The following BRINP3 variants were observed in gnomAD, a reference collection of about 807,000 sequenced individuals.
The protein encoded by BRINP3 is BMP/retinoic acid-inducible neural-specific protein 3.
Under a neutral mutation model 71.0 loss-of-function variants are expected in BRINP3, and 19 were observed. That is an observed-to-expected ratio of 0.27 (90% CI 0.19 to 0.39). The LOEUF is 0.39. Ranked by LOEUF, BRINP3 falls within the 10% of genes least tolerant of loss-of-function variation. The pLI is 1.00. For synonymous variants in BRINP3, 380 were observed against 337.7 expected (o/e 1.13, Z -1.37); for missense variants, 959 against 940.8 (o/e 1.02, Z -0.25).
At chr1:190,291,998 G>A (rs945952109) in intron 2 of BRINP3, among the ~76,000 whole-genome samples, 1 of 152,206 alleles carries the variant, frequency 6.6e-6, no homozygotes, top group South Asian at 2.1e-4. Flanking sequence ...TGGCAATATG[G>A]ATGAACCTGG....
At chr1:190,386,669 C>T (rs1005943958) in intron 2 of BRINP3, among the ~76,000 whole-genome samples, 2 of 151,908 alleles carry the variant, frequency 1.3e-5, no homozygotes, top group Non-Finnish European at 2.9e-5. Flanking sequence ...CCATCAACTT[C>T]ATCTTTTGAG....
intron 7 of BRINP3, among the ~76,000 whole-genome samples, chr1:190,109,815 A>G (rs1652513332): frequency 6.6e-6 from 1 of 152,222 alleles, no homozygotes; most frequent in African/African-American, 2.4e-5. Context: ...TTGCACCAGT[A>G]GTCCCTCAGG....
chr1:190,360,153 T>A (rs747662034), intron 2 of BRINP3, among the ~76,000 whole-genome samples: 1 of 152,154 alleles, frequency 6.6e-6, no homozygotes, highest in Non-Finnish European at 1.5e-5. Flanking sequence ...CCAGTAAACA[T>A]CTTCAACAGA....
chr1:190,268,606 C>T (rs1056882232), intron 3 of BRINP3, among the ~76,000 whole-genome samples: 3 of 152,078 alleles, frequency 2.0e-5, no homozygotes, highest in African/African-American at 7.2e-5. Flanking sequence ...AGAAAAAACA[C>T]TTAAACTATG....
chr1:190,454,926 G>T lies in BRINP3; in HGVS notation c.-36C>A. 6.4e-7 allele frequency: 1 copy of T among 1,557,516 alleles called. No homozygotes were observed. Among genetic ancestry groups the T allele is most frequent in the Non-Finnish European group, 8.8e-7 (1 of 1,132,090 alleles). On this transcript the variant is annotated 5_prime_UTR_variant, in exon 2 of 8. In the 5' UTR this introduces an upstream ATG that the reference lacks. Transcript: ENST00000367462. ...GGGATTTAGAGCCTTCATTCTCTCA[G>T]CTTTCCCTCAACACCTAGACAAAAT...
intron 6 of BRINP3, among the ~76,000 whole-genome samples, chr1:190,201,886 T>G (rs951486814): frequency 3.9e-5 from 6 of 152,264 alleles, no homozygotes; most frequent in South Asian, 2.1e-4. Context: ...AGAAGTTTGT[T>G]GCAGGGGTGA....
rs574697616 is a variant in BRINP3 at position 190,323,312 on chromosome 1, G to A, written c.237-41562C>T. On this transcript the variant is annotated intron_variant, in intron 2 of 7. Transcript: ENST00000367462. ...CTGGATAGACAATAGAGAGGTTACT[G>A]GGTCTGCTTTTTCTCAGTCTCAAAA... Among the ~76,000 whole-genome samples, 30 of 151,872 alleles carry A rather than the reference G, an allele frequency of 2.0e-4. No homozygotes were observed. In the South Asian group the frequency reaches 6.0e-3, roughly 31 times the overall value.
Position 190,106,174 on chromosome 1 carries a change from A to AC in BRINP3, c.1185-7041dup, listed in dbSNP as rs1306102783. On this transcript the variant is annotated intron_variant, in intron 7 of 7. Transcript: ENST00000367462. ...GTTCTTTTATAACATCTTGGTATTC[A>AC]CCCCCCCATAATATTCATTACACCA... Among the ~76,000 whole-genome samples the AC allele has an allele frequency of 4.6e-5, 7 of 151,514 alleles. No individual in the cohort carries two copies. In the East Asian group the frequency reaches 7.7e-4, roughly 17 times the overall value.
At chr1:190,248,261 GT>G (rs374563749) in intron 4 of BRINP3, among the ~76,000 whole-genome samples, 4 of 149,978 alleles carry the variant, frequency 2.7e-5, no homozygotes, top group African/African-American at 7.3e-5. Context: ...ATTTTCCTTT[GT>G]TTTTTTTAAA....
In BRINP3 at chr1:190,098,239, C is replaced by T; in HGVS notation, c.2080G>A (p.Gly694Arg). 3 of 1,614,064 alleles carry T rather than the reference C, an allele frequency of 1.9e-6. No homozygotes were observed. Among genetic ancestry groups the T allele is most frequent in the Non-Finnish European group, 2.5e-6 (3 of 1,180,004 alleles). ...TGCAAAAGTGCTGAATCCTGGGATC[C>T]CTGAGTATAGGGGTAGTCCAGCTGC... is the stretch of plus-strand genomic sequence containing the variant. ...ILQLDYPYTQ[G>R]SQDSALLQLL... Residue 694 changes from glycine (G) to arginine (R), a missense_variant, in exon 8 of 8, where the codon GGA (glycine) becomes AGA (arginine). Transcript: ENST00000367462.
chr1:190,393,325 C>A (rs2102315167), intron 2 of BRINP3, among the ~76,000 whole-genome samples: 1 of 151,636 alleles, frequency 6.6e-6, no homozygotes, highest in African/African-American at 2.4e-5. Flanking sequence ...ACTATGCTAA[C>A]CCAACTTATT....
intron 2 of BRINP3, among the ~76,000 whole-genome samples, chr1:190,307,271 T>G (rs866038578): frequency 4.6e-4 from 58 of 125,618 alleles, no homozygotes; most frequent in African/African-American, 1.4e-3. Flanking sequence ...TTTTTTTTTT[T>G]TTTTTTTTTT....
chr1:190,181,258 T>C (rs1467117852), intron 6 of BRINP3, among the ~76,000 whole-genome samples: 1 of 152,088 alleles, frequency 6.6e-6, no homozygotes, highest in East Asian at 1.9e-4. Flanking sequence ...ATGTTCATTC[T>C]TGTTATTGAT....
At chr1:190,174,367 T>C (rs1036000650) in intron 6 of BRINP3, among the ~76,000 whole-genome samples, 2 of 152,032 alleles carry the variant, frequency 1.3e-5, no homozygotes, top group Non-Finnish European at 2.9e-5. Context: ...ATAGAAAAAA[T>C]ATAAAACTGA....
intron 7 of BRINP3, among the ~76,000 whole-genome samples, chr1:190,157,147 C>A (rs1558017384): frequency 6.6e-6 from 1 of 151,706 alleles, no homozygotes; most frequent in Non-Finnish European, 1.5e-5. Context: ...AAAAAATTAA[C>A]ACATACTCAA....
At chr1:190,261,445 T>G (rs1171234513) in intron 4 of BRINP3, among the ~76,000 whole-genome samples, 1 of 146,266 alleles carries the variant, frequency 6.8e-6, no homozygotes. Context: ...ATTAACAAAG[T>G]ATAGTCTACA....
chr1:190,264,688 A>G (rs1661497516), intron 4 of BRINP3, among the ~76,000 whole-genome samples, 177 bp downstream of exon 4: 1 of 152,196 alleles, frequency 6.6e-6, no homozygotes, highest in Non-Finnish European at 1.5e-5. Context: ...TATTATATTG[A>G]AATACATACA....
chr1:190,459,854 T>TA (rs1411486493), intron 1 of BRINP3, among the ~76,000 whole-genome samples: 1 of 152,102 alleles, frequency 6.6e-6, no homozygotes, highest in Non-Finnish European at 1.5e-5. Flanking sequence ...GAAAGACTGA[T>TA]ACGGTAAACT....
chr1:190,151,977 C>G (rs189772979), intron 7 of BRINP3, among the ~76,000 whole-genome samples: 1 of 151,928 alleles, frequency 6.6e-6, no homozygotes, highest in Non-Finnish European at 1.5e-5. Flanking sequence ...TCTGAAAATC[C>G]CTTGTTTAAA....
Sources: gnomAD v4.1 joint callset for allele counts (sites outside exome capture counted in the v4.1 genomes callset) on GRCh38, gnomAD v4.1.1 for gene constraint, MANE v1.5 for transcripts, NCBI Gene and HGNC (gene_info 2026-07-23, HGNC 2026-07-21) for gene names.